The following SHISA6 variants were observed in gnomAD, a reference collection of about 807,000 sequenced individuals.
SHISA6 encodes the protein shisa family member 6.
SHISA6 carries 22 observed loss-of-function variants against 47.9 expected under a neutral mutation model. The observed-to-expected ratio is 0.46, with a 90% CI of 0.33 to 0.66. The LOEUF is 0.66. Among genes scored for constraint, SHISA6 ranks in the 30% least tolerant of loss-of-function variants. SHISA6 has a pLI of 0.02. For missense variants in SHISA6, 680 were observed against 764.6 expected (o/e 0.89, Z 1.30); for synonymous variants, 388 against 337.8 (o/e 1.15, Z -1.63).
intron 1 of SHISA6, among the ~76,000 whole-genome samples, chr17:11,255,285 A>G (rs988588024): frequency 3.9e-5 from 6 of 152,190 alleles, no homozygotes; most frequent in Non-Finnish European, 8.8e-5. Context: ...TAGGGAAATG[A>G]CAATAATGTT....
At chr17:11,306,747 T>C (rs1910122562) in intron 2 of SHISA6, among the ~76,000 whole-genome samples, 1 of 152,208 alleles carries the variant, frequency 6.6e-6, no homozygotes, top group African/African-American at 2.4e-5. Context: ...AGGCTTCTGG[T>C]CTACTTGCTT....
At chr17:11,324,648 C>T (rs1044013924) in intron 2 of SHISA6, among the ~76,000 whole-genome samples, 1 of 152,100 alleles carries the variant, frequency 6.6e-6, no homozygotes, top group African/African-American at 2.4e-5. Flanking sequence ...TCCTCCCCTT[C>T]GTTCAACTCC....
At chr17:11,408,930 C>A (rs537924067) in intron 3 of SHISA6, among the ~76,000 whole-genome samples, 28 of 152,244 alleles carry the variant, frequency 1.8e-4, no homozygotes, top group African/African-American at 6.3e-4. Flanking sequence ...AAGACTGGAG[C>A]TTTGGTCAAA....
intron 2 of SHISA6, among the ~76,000 whole-genome samples, chr17:11,325,611 G>A (rs1910853928): frequency 6.6e-6 from 1 of 151,718 alleles, no homozygotes; most frequent in Admixed American, 6.6e-5. Context: ...GCATCAGGAA[G>A]TGAAATGGCA....
intron 2 of SHISA6, among the ~76,000 whole-genome samples, chr17:11,365,103 A>C (rs73975340): frequency 0.022 from 3,350 of 152,278 alleles, 107 homozygotes; most frequent in African/African-American, 0.067. Flanking sequence ...TAAATGAGGT[A>C]GTGATTACAA....
intron 3 of SHISA6, among the ~76,000 whole-genome samples, chr17:11,453,377 C>T (rs868018829): frequency 6.6e-6 from 1 of 152,204 alleles, no homozygotes; most frequent in Non-Finnish European, 1.5e-5. Context: ...GCCCTATTCC[C>T]CTCACTCAAG....
rs1176499897 is a variant in SHISA6, at chr17:11,562,629, G to C, written c.*4325G>C. The C allele has an allele frequency of 2.0e-5, 3 of 152,182 alleles. No homozygotes were observed. Among genetic ancestry groups the C allele is most frequent in the Non-Finnish European group, 4.4e-5 (3 of 68,058 alleles). 9.4% of individuals were successfully genotyped at this position (152,182 alleles called of 1,614,324 possible). A position where few individuals can be genotyped will look rare whatever the true frequency, so the allele number is the denominator to read the frequency against. On this transcript the variant is annotated 3_prime_UTR_variant, in exon 6 of 6. Transcript: ENST00000441885. ...TCTGAAGACACAGCTTCCAGCCCTG[G>C]CTTTGTCTCCGAGGGGGAGTCATGT...
chr17:11,394,637 A>G (rs564700246), intron 3 of SHISA6, among the ~76,000 whole-genome samples: 1 of 152,312 alleles, frequency 6.6e-6, no homozygotes, highest in East Asian at 1.9e-4. Flanking sequence ...CTATTATACC[A>G]TCATTTATAT....
chr17:11,552,717 G>C (rs2111133), intron 4 of SHISA6, among the ~76,000 whole-genome samples: 2 of 152,212 alleles, frequency 1.3e-5, no homozygotes, highest in Non-Finnish European at 2.9e-5. Flanking sequence ...TGTTATGTCA[G>C]ATTATGGTGT....
intron 2 of SHISA6, among the ~76,000 whole-genome samples, chr17:11,375,097 C>A (rs1430412297): frequency 6.6e-6 from 1 of 152,094 alleles, no homozygotes; most frequent in Non-Finnish European, 1.5e-5. Flanking sequence ...TTTAAAATGG[C>A]ATTTCACCAG....
At chr17:11,555,467 T>C (rs1211666744) in intron 4 of SHISA6, among the ~76,000 whole-genome samples, 1 of 151,942 alleles carries the variant, frequency 6.6e-6, no homozygotes, top group Non-Finnish European at 1.5e-5. Flanking sequence ...AGAGATGTAC[T>C]GAGAGAGAGA....
intron 3 of SHISA6, among the ~76,000 whole-genome samples, chr17:11,432,483 A>G (rs1479167584): frequency 6.6e-6 from 1 of 152,212 alleles, no homozygotes; most frequent in Non-Finnish European, 1.5e-5. Flanking sequence ...TCTGAAATAT[A>G]TGTTCTATAT....
intron 3 of SHISA6, among the ~76,000 whole-genome samples, chr17:11,519,677 A>G (rs1426427582): frequency 6.6e-6 from 1 of 152,190 alleles, no homozygotes; most frequent in East Asian, 1.9e-4. Flanking sequence ...GATTAAAAAC[A>G]ATAATAACAG....
intron 3 of SHISA6, among the ~76,000 whole-genome samples, chr17:11,429,237 T>A (rs1453786485): frequency 3.9e-5 from 6 of 152,136 alleles, no homozygotes; most frequent in Admixed American, 3.9e-4. Flanking sequence ...ACATGGCAGC[T>A]GCATCGTCAG....
intron 3 of SHISA6, among the ~76,000 whole-genome samples, chr17:11,453,786 G>T (rs2142307952): frequency 6.6e-6 from 1 of 152,334 alleles, no homozygotes; most frequent in African/African-American, 2.4e-5. Flanking sequence ...TATGCGAGAT[G>T]CAAGAAGCCA....
chr17:11,289,696 A>G (rs1909452742), intron 2 of SHISA6: 1 of 151,894 alleles, frequency 6.6e-6, no homozygotes, highest in African/African-American at 2.4e-5. Context: ...TGTACTTTCA[A>G]AGAAAATCAT....
At position 11,368,344 on chromosome 17, in the gene SHISA6, T is replaced by A. The variant is rs200767151; in HGVS notation, c.800-11070T>A. 1.2e-4 allele frequency among the ~76,000 whole-genome samples: 18 copies of A among 152,282 alleles called. No homozygotes were observed. The East Asian group carries it at 3.5e-3, about 29-fold the overall frequency. On this transcript the variant is annotated intron_variant, in intron 2 of 5. Transcript: ENST00000441885. ...CTAATCTTAATTAGCGGGTCTGTTT[T>A]TTCCAAAGCACATTCAGGAGAATCG...
chr17:11,367,837 C>A (rs536326070), intron 2 of SHISA6, among the ~76,000 whole-genome samples: 1 of 152,274 alleles, frequency 6.6e-6, no homozygotes, highest in East Asian at 1.9e-4. Context: ...CTGGGCATTA[C>A]AGTCTGAAAA....
At chr17:11,254,623 C>CT (rs1367948339) in intron 1 of SHISA6, among the ~76,000 whole-genome samples, 1 of 152,214 alleles carries the variant, frequency 6.6e-6, no homozygotes, top group African/African-American at 2.4e-5. Context: ...AGGGCTGCCC[C>CT]TACCTCTGGA....
Sources: gnomAD v4.1 joint callset for allele counts (sites outside exome capture counted in the v4.1 genomes callset) on GRCh38, gnomAD v4.1.1 for gene constraint, MANE v1.5 for transcripts, NCBI Gene and HGNC (gene_info 2026-07-23, HGNC 2026-07-21) for gene names.